Variants in FBP1 observed in about 807,000 individuals in gnomAD.
FBP1 encodes the protein fructose-1,6-bisphosphatase 1.
Under a neutral mutation model 29.9 loss-of-function variants are expected in FBP1, and 22 were observed. The ratio of observed to expected loss-of-function variants is 0.74; its 90% CI spans 0.53 to 1.05. The LOEUF is 1.05. FBP1 is among the 50% of genes least tolerant of loss of function. The pLI is 0.00. For missense variants in FBP1, 345 were observed against 448.2 expected (o/e 0.77, Z 2.08); for synonymous variants, 175 against 178.6 (o/e 0.98, Z 0.16).
At chr9:94,617,473 C>T (rs1268450792) in intron 3 of FBP1, among the ~76,000 whole-genome samples, 1 of 152,142 alleles carries the variant, frequency 6.6e-6, no homozygotes, top group Admixed American at 6.5e-5. Context: ...ACTATACTTA[C>T]CCTCTACTGC....
chr9:94,628,975 TTTG>T (rs1828064232), intron 1 of FBP1, among the ~76,000 whole-genome samples: 1 of 152,110 alleles, frequency 6.6e-6, no homozygotes, highest in Non-Finnish European at 1.5e-5. Context: ...TTAAAGGCTT[TTTG>T]TTGTTGTTTT....
chr9:94,638,748 G>A (rs561039478), intron 1 of FBP1, among the ~76,000 whole-genome samples: 1 of 152,328 alleles, frequency 6.6e-6, no homozygotes, highest in East Asian at 1.9e-4. Flanking sequence ...GAAGAAATGG[G>A]GAAGGAAGGC....
intron 3 of FBP1, among the ~76,000 whole-genome samples, chr9:94,613,238 C>A (rs1827811393): frequency 6.6e-6 from 1 of 152,100 alleles, no homozygotes; most frequent in Admixed American, 6.6e-5. Context: ...AGAGAGAAGT[C>A]TCAGATCCCT....
intron 6 of FBP1, 95 bp downstream of exon 6, chr9:94,605,362 G>A (rs767715656): frequency 2.7e-4 from 364 of 1,344,758 alleles, no homozygotes; most frequent in Non-Finnish European, 3.0e-4. Context: ...AGCATGGAGC[G>A]TAATAGCTAG....
chr9:94,624,804 G>A (rs979624402), intron 1 of FBP1, among the ~76,000 whole-genome samples: 2 of 152,200 alleles, frequency 1.3e-5, no homozygotes, highest in South Asian at 4.1e-4. Context: ...TTTCCAAATG[G>A]AAGGGAGTGG....
rs2131509427 is a variant in FBP1, at chr9:94,639,323, T to C, written c.-13A>G. On this transcript the variant is annotated 5_prime_UTR_variant, in exon 1 of 7. Coordinates refer to ENST00000375326, the MANE Select transcript of FBP1 (RefSeq NM_000507.4). ...CCTGGTCAGCCATGCTTGAACCGGG[T>C]AGAGCGCGGGGCTGCAGGTGCAAGC... 1.2e-6 allele frequency: 2 copies of C among 1,603,408 alleles called. No homozygotes were observed. Among genetic ancestry groups the C allele is most frequent in the Non-Finnish European group, 1.7e-6 (2 of 1,175,286 alleles).
Position 94,637,059 on chromosome 9 carries a change from G to C in FBP1, c.170+2082C>G, listed in dbSNP as rs28402383. Among the ~76,000 whole-genome samples the C allele has an allele frequency of 7.5e-3, 1,141 of 152,200 alleles. 14 individuals carry two copies. Among genetic ancestry groups the C allele is most frequent in the African/African-American group, 0.027 (1,102 of 41,520 alleles). ...TTAAAGCTGTGAGCCACCTATACTA[G>C]CTGTAAATTAAAGCTTAAGATTTCA... On this transcript the variant is annotated intron_variant, in intron 1 of 6. Coordinates refer to ENST00000375326, the MANE Select transcript of FBP1 (RefSeq NM_000507.4).
chr9:94,630,726 G>T (rs2131500533), intron 1 of FBP1, among the ~76,000 whole-genome samples: 1 of 152,336 alleles, frequency 6.6e-6, no homozygotes, highest in Middle Eastern at 3.4e-3. Context: ...ACCATGCGGA[G>T]AAGCAAGAAC....
intron 6 of FBP1, among the ~76,000 whole-genome samples, chr9:94,605,012 C>T (rs551859343): frequency 1.5e-4 from 23 of 152,242 alleles, no homozygotes; most frequent in African/African-American, 5.5e-4. Context: ...TAAAAGGTAT[C>T]GTTTTCCAAG....
chr9:94,639,730 C>CAA (rs1554682852), upstream of FBP1, among the ~76,000 whole-genome samples: 1 of 149,548 alleles, frequency 6.7e-6, no homozygotes, highest in Admixed American at 6.6e-5. Context: ...TGTCGCCCCC[C>CAA]ACACACACCC....
upstream of FBP1, chr9:94,639,896 C>G (rs1046196386): frequency 1.6e-5 from 3 of 187,324 alleles, no homozygotes; most frequent in Admixed American, 6.0e-5. Context: ...AAACCCGCAG[C>G]CAGTCCACAT....
chr9:94,626,803 A>C (rs1216469511), intron 1 of FBP1, among the ~76,000 whole-genome samples: 1 of 152,200 alleles, frequency 6.6e-6, no homozygotes, highest in African/African-American at 2.4e-5. Flanking sequence ...CTGTAATCTC[A>C]GCACTTTGGG....
chr9:94,614,180 G>A (rs117721341), intron 3 of FBP1, among the ~76,000 whole-genome samples: 18 of 132,424 alleles, frequency 1.4e-4, no homozygotes, highest in South Asian at 1.2e-3. Context: ...AGGGGGGGAC[G>A]AGGAGGAGCA....
At chr9:94,614,527 G>C (rs1314945808) in intron 3 of FBP1, among the ~76,000 whole-genome samples, 2 of 152,106 alleles carry the variant, frequency 1.3e-5, no homozygotes, top group Non-Finnish European at 2.9e-5. Context: ...GCGACAGAGA[G>C]AGACTCTGTC....
intron 1 of FBP1, among the ~76,000 whole-genome samples, chr9:94,625,457 G>A (rs1828010565): frequency 6.6e-6 from 1 of 151,938 alleles, no homozygotes; most frequent in South Asian, 2.1e-4. Flanking sequence ...AGAACTGACG[G>A]GGCTGCCCGC....
chr9:94,604,266 T>A (rs1389676045), intron 6 of FBP1, among the ~76,000 whole-genome samples: 5 of 152,084 alleles, frequency 3.3e-5, no homozygotes, highest in Non-Finnish European at 7.4e-5. Flanking sequence ...AGCCTCAATA[T>A]TTGTGTTCAG....
intron 1 of FBP1, among the ~76,000 whole-genome samples, chr9:94,622,951 A>G (rs1827969382): frequency 6.6e-6 from 1 of 151,842 alleles, no homozygotes; most frequent in Non-Finnish European, 1.5e-5. Flanking sequence ...TGAGAGTTGC[A>G]CTGTCAAAGT....
At chr9:94,612,549 A>ATTTTTTTTTTTTTTTTTTTTTTTTTTT (rs561246840) in intron 3 of FBP1, among the ~76,000 whole-genome samples, 2 of 108,028 alleles carry the variant, frequency 1.9e-5, no homozygotes, top group Non-Finnish European at 1.8e-5. Flanking sequence ...CCAGCCCCCA[A>ATTTTTTTTTTTTTTTTTTTTTTTTTTT]TTTTTTTTTT....
chr9:94,630,986 A>G (rs1473421832), intron 1 of FBP1, among the ~76,000 whole-genome samples: 2 of 152,208 alleles, frequency 1.3e-5, no homozygotes, highest in Non-Finnish European at 2.9e-5. Context: ...TCTCTAAACC[A>G]GTTTTGCAGG....
Sources: allele counts gnomAD v4.1 joint callset (sites outside exome capture counted in the v4.1 genomes callset), GRCh38; gene constraint gnomAD v4.1.1; transcripts MANE v1.5; gene names NCBI Gene and HGNC (gene_info 2026-07-23, HGNC 2026-07-21).